The following HGS variants were observed in gnomAD, a reference collection of about 807,000 sequenced individuals.
HGS encodes the protein human growth factor-regulated tyrosine kinase substrate.
A neutral mutation model predicts 109.7 loss-of-function variants in HGS; 63 were observed. That is an observed-to-expected ratio of 0.57 (90% CI 0.47 to 0.71). The LOEUF is 0.71. Among genes scored for constraint, HGS ranks in the 30% least tolerant of loss-of-function variants. HGS has a pLI of 0.00. For missense variants in HGS, 995 were observed against 1,068.3 expected (o/e 0.93, Z 0.96); for synonymous variants, 546 against 437.3 (o/e 1.25, Z -3.10).
chr17:81,689,169 C>T (rs1244566069), intron 5 of HGS, among the ~76,000 whole-genome samples: 4 of 152,204 alleles, frequency 2.6e-5, no homozygotes, highest in Non-Finnish European at 4.4e-5. Flanking sequence ...TCCCAAGTGT[C>T]GAGACTGGAA....
At chr17:81,685,506 G>A in intron 1 of HGS, 99 bp from the exon 2 acceptor site, 1 of 717,696 alleles carries the variant, frequency 1.4e-6, no homozygotes, top group East Asian at 2.7e-5. Context: ...AATGTCTAAA[G>A]GGGAAGGAGA....
Position 81,695,935 on chromosome 17 carries a change from C to G in HGS, c.1329C>G (p.Phe443Leu), listed in dbSNP as rs771267483. Residue 443 changes from phenylalanine (F) to leucine (L), a missense_variant, in exon 15 of 22, where the codon TTC becomes TTG. This residue lies in a region of HGS where 163 missense variants were observed against 217.8 expected (regional missense o/e 0.75). Coordinates refer to ENST00000329138, the MANE Select transcript of HGS (RefSeq NM_004712.5). ...ATGACTCGGCCGTGCTCTCACTCTT[C>G]CAGTCCATCAACGGCATGCACCCGC... ...ITNDSAVLSL[F>L]QSINGMHPQL... 6.3e-7 allele frequency: 1 copy of G among 1,595,766 alleles called. No individual in the cohort carries two copies. The highest frequency in any genetic ancestry group is 8.6e-7 in the Non-Finnish European group (1 of 1,168,266).
At chr17:81,686,061 G>C (rs1190444994) in intron 2 of HGS, among the ~76,000 whole-genome samples, 1 of 152,070 alleles carries the variant, frequency 6.6e-6, no homozygotes, top group Non-Finnish European at 1.5e-5. Flanking sequence ...CTCCTGAGTA[G>C]CTGGGACTAC....
intron 1 of HGS, 54 bp from the exon 2 acceptor site, chr17:81,685,551 G>A: frequency 7.6e-7 from 1 of 1,321,658 alleles, no homozygotes; most frequent in Non-Finnish European, 1.1e-6. Flanking sequence ...CTGGGGTGCT[G>A]CACGGGGCGT....
rs2037126828 is a variant in HGS, at chr17:81,695,211, C to T, written c.1167C>T (p.Gly389=). ...TDSQPIPPSG[G]PFSEPQFHNG... ...CTCAGCCCATTCCTCCCTCTGGTGG[C>T]CCCTTTAGTGAGGTAAGCTGTGGCT... Residue 389 remains glycine (G), a synonymous_variant, in exon 14 of 22, where the codon GGC becomes GGT. Coordinates refer to ENST00000329138, the MANE Select transcript of HGS (RefSeq NM_004712.5). 2.5e-6 allele frequency: 4 copies of T among 1,614,180 alleles called. No individual in the cohort carries two copies. Among genetic ancestry groups the T allele is most frequent in the Non-Finnish European group, 3.4e-6 (4 of 1,179,998 alleles).
At chr17:81,698,648 A>T (rs1023634915) in intron 18 of HGS, among the ~76,000 whole-genome samples, 11 of 152,200 alleles carry the variant, frequency 7.2e-5, no homozygotes. Flanking sequence ...CAAGATCAAG[A>T]TTCTGGGTGT....
Position 81,696,540 on chromosome 17 carries a change from T to G in HGS, c.1566+11T>G. On this transcript the variant is annotated intron_variant, in intron 16 of 21. Coordinates refer to ENST00000329138, the MANE Select transcript of HGS (RefSeq NM_004712.5). Reference sequence around the variant, plus strand: ...CGGCAGAAGAAGCAGGTGCAGTGGCTGCCCAGCCACAGGCCGGGGCCGGCT... The same window carrying G: ...CGGCAGAAGAAGCAGGTGCAGTGGCGGCCCAGCCACAGGCCGGGGCCGGCT... 1 of 1,534,160 alleles carries G rather than the reference T, an allele frequency of 6.5e-7. No individual in the cohort carries two copies.
At chr17:81,695,353 C>G in intron 14 of HGS, 130 bp downstream of exon 14, 2 of 924,204 alleles carry the variant, frequency 2.2e-6, no homozygotes, top group Admixed American at 2.2e-5. Context: ...CCCAGCCCAG[C>G]CCTGGCCTGC....
Position 81,701,047 on chromosome 17 carries a change from T to C in HGS, c.2139T>C (p.Asn713=). 6.2e-7 allele frequency: 1 copy of C among 1,613,754 alleles called. No individual in the cohort carries two copies. Among genetic ancestry groups the C allele is most frequent in the Non-Finnish European group, 8.5e-7 (1 of 1,179,804 alleles). The change falls in exon 21 of 22, where the codon AAT becomes AAC. Residue 713 remains asparagine (N), a splice_region_variant and synonymous_variant. Transcript: ENST00000329138. ...SMGYQPYNMQ[N]LMTTLPSQDA... ...CATCTGACGTCTTCTCACAACAGAA[T>C]CTCATGACCACCCTCCCAAGCCAGG...
In HGS at chr17:81,684,057, G is replaced by T; in HGVS notation, c.-10G>T. On this transcript the variant is annotated 5_prime_UTR_variant, in exon 1 of 22. Transcript: ENST00000329138. ...GCGCCCGCGGCGTCGGGTTTGGGCT[G>T]GAGGTCGCCATGGGGCGAGGCAGCG... 6.3e-7 allele frequency: 1 copy of T among 1,593,680 alleles called. No homozygotes were observed. Among genetic ancestry groups the T allele is most frequent in the South Asian group, 1.1e-5 (1 of 88,698 alleles).
At chr17:81,699,293 C>T (rs1247811795) in intron 18 of HGS, among the ~76,000 whole-genome samples, 2 of 152,316 alleles carry the variant, frequency 1.3e-5, no homozygotes, top group East Asian at 3.9e-4. Flanking sequence ...CCGTGGAGTC[C>T]AGATTTTGGG....
Position 81,701,569 on chromosome 17 carries a change from AG to A in HGS, c.2289del (p.Pro764ArgfsTer36). The A allele has an allele frequency of 1.3e-6, 2 of 1,571,274 alleles. No homozygotes were observed. The highest frequency in any genetic ancestry group is 8.6e-7 in the Non-Finnish European group (1 of 1,165,800). On this transcript the variant is annotated frameshift_variant, in exon 22 of 22. Coordinates refer to ENST00000329138, the MANE Select transcript of HGS (RefSeq NM_004712.5). LOFTEE classifies it high-confidence loss of function. Reference sequence around the variant, plus strand: ...CCCGTGGCCCAGCAACCGCAGGCACAGGGGCCGCCGGCACAGGGCAGCGAGG... The same window carrying A: ...CCCGTGGCCCAGCAACCGCAGGCACAGGGCCGCCGGCACAGGGCAGCGAGG... ...QPPVAQQPQA[Q>X]GPPAQGSEAQ...
chr17:81,701,272 C>T (rs1241496605), intron 21 of HGS, 141 bp downstream of exon 21: 10 of 839,802 alleles, frequency 1.2e-5, no homozygotes, highest in East Asian at 2.7e-5. Flanking sequence ...GGCCCCTTCT[C>T]AGCAGACAGA....
intron 5 of HGS, 60 bp from the exon 6 acceptor site, chr17:81,690,122 C>A: frequency 6.4e-7 from 1 of 1,563,208 alleles, no homozygotes; most frequent in Non-Finnish European, 8.8e-7. Context: ...GAGGAAGGGG[C>A]TCCCGGAAGT....
rs1364783218 is a variant in HGS, at chr17:81,695,850, C to T, written c.1244C>T (p.Ala415Val). Residue 415 changes from alanine to valine, a missense_variant, in exon 15 of 22, where the codon GCC becomes GTC. Physicochemically the swap from Ala to Val is moderately conservative, Grantham distance 64. Transcript: ENST00000329138. ...CAGTTCCTGAAGGCGCTGCAGAACG[C>T]CGTCACCACCTTCGTGAACCGCATG... ...HEQFLKALQN[A>V]VTTFVNRMKS... is the part of the protein sequence containing the mutation. 1.8e-5 allele frequency: 29 copies of T among 1,613,530 alleles called. No individual in the cohort carries two copies. The highest frequency in any genetic ancestry group is 2.4e-5 in the Non-Finnish European group (28 of 1,180,010).
intron 4 of HGS, 34 bp from the exon 5 acceptor site, chr17:81,688,670 C>T (rs764020724): frequency 3.1e-6 from 5 of 1,611,370 alleles, no homozygotes; most frequent in Non-Finnish European, 4.2e-6. Context: ...CCTGGAGTGT[C>T]CTGCGACCCT....
At chr17:81,696,274 G>T in intron 15 of HGS, 83 bp from the exon 16 acceptor site, 30 of 1,427,054 alleles carry the variant, frequency 2.1e-5, no homozygotes, top group Non-Finnish European at 2.4e-5. Context: ...GGCACAGGGC[G>T]GCCCATCTGC....
chr17:81,688,166 G>C (rs773385932), intron 4 of HGS, among the ~76,000 whole-genome samples: 1 of 152,188 alleles, frequency 6.6e-6, no homozygotes, highest in African/African-American at 2.4e-5. Flanking sequence ...CCGGGACGGC[G>C]TCCCCGAGAG....
intron 15 of HGS, 57 bp downstream of exon 15, chr17:81,696,056 A>G (rs2144500455): frequency 2.1e-6 from 3 of 1,434,120 alleles, no homozygotes; most frequent in South Asian, 2.7e-5. Flanking sequence ...TGTGAGCGCC[A>G]TCCTGGGCCA....
Sources: gnomAD v4.1 joint callset for allele counts (sites outside exome capture counted in the v4.1 genomes callset) on GRCh38, gnomAD v4.1.1 for gene constraint, gnomAD v4.1.1 regional missense constraint, MANE v1.5 for transcripts, NCBI Gene and HGNC (gene_info 2026-07-23, HGNC 2026-07-21) for gene names.